The following TLE4 variants were observed in gnomAD, a reference collection of about 807,000 sequenced individuals.
TLE4 encodes the protein TLE family member 4, transcriptional corepressor, also known as transducin-like enhancer protein 4.
A neutral mutation model predicts 92.8 loss-of-function variants in TLE4; 8 were observed. The ratio of observed to expected loss-of-function variants is 0.09; its 90% CI spans 0.05 to 0.16. The LOEUF (loss-of-function observed/expected upper bound fraction) is 0.16. Among genes scored for constraint, TLE4 ranks in the 10% least tolerant of loss-of-function variants. The pLI, the probability that TLE4 is intolerant of heterozygous loss-of-function variation, is 1.00. For missense variants in TLE4, 675 were observed against 997.6 expected, an observed-to-expected ratio of 0.68 and a Z score of 4.36; for synonymous variants, 371 against 374.1, an observed-to-expected ratio of 0.99 and a Z score of 0.10.
intron 14 of TLE4, among the ~76,000 whole-genome samples, chr9:79,711,514 CT>C (rs946595278): frequency 3.3e-5 from 5 of 151,854 alleles, no homozygotes; most frequent in African/African-American, 1.2e-4. Context: ...AGTACTATCC[CT>C]TTTTTTTGGT....
intron 8 of TLE4, among the ~76,000 whole-genome samples, chr9:79,673,339 T>C (rs943557913): frequency 2.0e-5 from 3 of 152,292 alleles, no homozygotes; most frequent in Admixed American, 6.5e-5. Context: ...AACCAAACAA[T>C]TTCTAGACCC....
intron 8 of TLE4, among the ~76,000 whole-genome samples, chr9:79,692,380 C>T (rs73457295): frequency 0.016 from 2,433 of 152,256 alleles, 60 homozygotes; most frequent in African/African-American, 0.055. Context: ...GTGTCCATTA[C>T]CCTCTTTCAA....
intron 6 of TLE4, among the ~76,000 whole-genome samples, chr9:79,648,752 G>T (rs12553469): frequency 0.064 from 9,711 of 152,254 alleles, 406 homozygotes; most frequent in Middle Eastern, 0.095. Context: ...ATAACAAATT[G>T]TTGATGACCA....
intron 15 of TLE4, 34 bp from the exon 16 acceptor site, chr9:79,720,012 A>G (rs369696010): frequency 5.1e-6 from 8 of 1,575,372 alleles, no homozygotes; most frequent in South Asian, 1.1e-5. Flanking sequence ...TCCTTTCCTC[A>G]TGAGTAATCT....
intron 8 of TLE4, among the ~76,000 whole-genome samples, chr9:79,690,555 A>C (rs1035235203): frequency 1.3e-5 from 2 of 151,934 alleles, no homozygotes; most frequent in African/African-American, 4.8e-5. Context: ...CGCATCTTGC[A>C]GTCCCTTGAT....
chr9:79,646,501 G>T (rs376667016), intron 6 of TLE4, among the ~76,000 whole-genome samples: 3 of 152,174 alleles, frequency 2.0e-5, no homozygotes, highest in East Asian at 3.9e-4. Context: ...ATAAATTAAG[G>T]CCATTTATTT....
intron 4 of TLE4, among the ~76,000 whole-genome samples, chr9:79,580,570 C>G (rs1370465607): frequency 6.6e-6 from 1 of 151,972 alleles, no homozygotes; most frequent in Non-Finnish European, 1.5e-5. Context: ...CCACATTTCC[C>G]TTATGATAAC....
chr9:79,572,928 G>C, intron 1 of TLE4, 93 bp downstream of exon 1: 1 of 1,368,052 alleles, frequency 7.3e-7, no homozygotes, highest in Non-Finnish European at 9.9e-7. Flanking sequence ...TGGCCGGAGG[G>C]GCGTGGAGAG....
intron 1 of TLE4, 185 bp from the exon 2 acceptor site, chr9:79,573,504 C>T (rs1296377843): frequency 1.0e-5 from 9 of 857,928 alleles, no homozygotes; most frequent in African/African-American, 1.8e-5. Flanking sequence ...CCCAGGACCA[C>T]CTCGAAACCA....
intron 5 of TLE4, among the ~76,000 whole-genome samples, chr9:79,626,932 C>T (rs1193214625): frequency 2.6e-5 from 4 of 152,024 alleles, no homozygotes; most frequent in Non-Finnish European, 5.9e-5. Context: ...CTTCGCTAAC[C>T]GTTATCGGGA....
At chr9:79,715,453 C>G (rs2074300060) in intron 14 of TLE4, among the ~76,000 whole-genome samples, 1 of 152,036 alleles carries the variant, frequency 6.6e-6, no homozygotes, top group Non-Finnish European at 1.5e-5. Context: ...CTGAGATCAT[C>G]CCTTCACTTG....
At chr9:79,620,279 C>G (rs1231281150) in intron 5 of TLE4, among the ~76,000 whole-genome samples, 2 of 152,206 alleles carry the variant, frequency 1.3e-5, no homozygotes, top group African/African-American at 4.8e-5. Flanking sequence ...ATTAAAAGTT[C>G]AGTTTCTTAG....
intron 5 of TLE4, among the ~76,000 whole-genome samples, chr9:79,621,420 G>A (rs1343444022): frequency 1.3e-5 from 2 of 152,130 alleles, no homozygotes; most frequent in African/African-American, 4.8e-5. Flanking sequence ...TCATATACTT[G>A]GAGTGTCAGT....
At chr9:79,652,526 G>A in intron 6 of TLE4, 67 bp from the exon 7 acceptor site, 1 of 1,575,244 alleles carries the variant, frequency 6.3e-7, no homozygotes, top group Non-Finnish European at 8.7e-7. Context: ...CCTCCTTTCT[G>A]TTTCTCTTGG....
intron 5 of TLE4, among the ~76,000 whole-genome samples, chr9:79,615,524 A>G (rs1312377487): frequency 6.6e-6 from 1 of 152,166 alleles, no homozygotes; most frequent in Non-Finnish European, 1.5e-5. Context: ...GTTTGACAGG[A>G]ACAAGGGGTA....
rs554165411 is a variant in TLE4, at chr9:79,695,351, T to TCA, written c.610-9408_610-9407dup. Reference sequence around the variant, plus strand: ...TTTGGTGTGCCTACAAATGCATATCTCACACACACACACACACACACACAC... The same window carrying TCA: ...TTTGGTGTGCCTACAAATGCATATCTCACACACACACACACACACACACACAC... On this transcript the variant is annotated intron_variant, in intron 8 of 19. Transcript: ENST00000376552. Among the ~76,000 whole-genome samples, 104 of 46,002 alleles carry TCA rather than the reference T, an allele frequency of 2.3e-3. No homozygotes were observed. In the South Asian group the frequency reaches 0.028, roughly 13 times the overall value. The allele number at this position is 46,002 out of a possible 152,430, so 30.2% of individuals were successfully genotyped here. A position where few individuals can be genotyped will look rare whatever the true frequency, so the allele number is the denominator to read the frequency against.
intron 6 of TLE4, among the ~76,000 whole-genome samples, chr9:79,637,059 T>A (rs2056046893): frequency 6.6e-6 from 1 of 152,192 alleles, no homozygotes. Context: ...TTCATTTAGG[T>A]TTTTTCATCT....
intron 8 of TLE4, among the ~76,000 whole-genome samples, chr9:79,700,149 A>G (rs1331779408): frequency 6.6e-6 from 1 of 152,054 alleles, no homozygotes; most frequent in Non-Finnish European, 1.5e-5. Context: ...TTGGTCTTCA[A>G]AGCAGCCCGT....
intron 4 of TLE4, among the ~76,000 whole-genome samples, chr9:79,584,737 C>T (rs1399414509): frequency 6.6e-6 from 1 of 152,176 alleles, no homozygotes; most frequent in Non-Finnish European, 1.5e-5. Context: ...ATACTTAGGT[C>T]TGTGTTGTCT....
Sources: gnomAD v4.1 joint callset for allele counts (sites outside exome capture counted in the v4.1 genomes callset) on GRCh38, gnomAD v4.1.1 for gene constraint, MANE v1.5 for transcripts, NCBI Gene and HGNC (gene_info 2026-07-23, HGNC 2026-07-21) for gene names.